EDIL3: variants seen among roughly 807,000 people sequenced by gnomAD.
EDIL3 encodes EGF-like repeat and discoidin I-like domain-containing protein 3.
A neutral mutation model predicts 67.4 loss-of-function variants in EDIL3; 37 were observed. The observed-to-expected ratio is 0.55, with a 90% confidence interval of 0.42 to 0.72. The LOEUF is 0.72. Among genes scored for constraint, EDIL3 ranks in the 30% least tolerant of loss-of-function variants. The pLI, the probability that EDIL3 is intolerant of heterozygous loss-of-function variation, is 0.00. For synonymous variants in EDIL3, 195 were observed against 196.3 expected (o/e 0.99, Z 0.05); for missense variants, 527 against 586.3 (o/e 0.90, Z 1.04).
chr5:83,968,789 T>C (rs1744739879), intron 9 of EDIL3, among the ~76,000 whole-genome samples: 1 of 151,978 alleles, frequency 6.6e-6, no homozygotes, highest in Non-Finnish European at 1.5e-5. Context: ...AAAGAATTTA[T>C]TTAGAATCAT....
chr5:84,064,569 ATGT>A (rs776147127), intron 8 of EDIL3, 128 bp downstream of exon 8: 93 of 1,160,538 alleles, frequency 8.0e-5, no homozygotes, highest in Non-Finnish European at 1.1e-4. Flanking sequence ...TCCCTGAACC[ATGT>A]TGTAGACATT....
At chr5:83,996,124 C>T (rs915764697) in intron 9 of EDIL3, among the ~76,000 whole-genome samples, 8 of 152,054 alleles carry the variant, frequency 5.3e-5, no homozygotes, top group African/African-American at 1.4e-4. Flanking sequence ...GTGGTTGTTC[C>T]TATAAGCATG....
chr5:84,236,315 T>G (rs1744682193), intron 2 of EDIL3, among the ~76,000 whole-genome samples: 1 of 152,096 alleles, frequency 6.6e-6, no homozygotes. Context: ...TTTGAGAACA[T>G]AATTAGGACA....
chr5:84,006,812 A>T (rs1252262847), intron 9 of EDIL3, among the ~76,000 whole-genome samples: 3 of 152,166 alleles, frequency 2.0e-5, no homozygotes, highest in Non-Finnish European at 4.4e-5. Flanking sequence ...AACATTATAA[A>T]ATTTTAAATA....
intron 1 of EDIL3, among the ~76,000 whole-genome samples, chr5:84,306,924 T>C (rs901546611): frequency 6.6e-6 from 1 of 152,222 alleles, no homozygotes; most frequent in African/African-American, 2.4e-5. Flanking sequence ...TCATGTAAAA[T>C]GCTTCACACA....
At chr5:84,310,935 A>G (rs1008489305) in intron 1 of EDIL3, among the ~76,000 whole-genome samples, 1 of 151,690 alleles carries the variant, frequency 6.6e-6, no homozygotes, top group Admixed American at 6.6e-5. Context: ...ATCACAGGTC[A>G]CTTTTGCCTG....
At chr5:84,299,132 T>C (rs1221526707) in intron 1 of EDIL3, among the ~76,000 whole-genome samples, 1 of 152,170 alleles carries the variant, frequency 6.6e-6, no homozygotes, top group African/African-American at 2.4e-5. Context: ...AAGAGAGGAC[T>C]ACCTCTGGAA....
chr5:84,305,287 C>A (rs1205323580), intron 1 of EDIL3, among the ~76,000 whole-genome samples: 3 of 152,038 alleles, frequency 2.0e-5, no homozygotes, highest in Non-Finnish European at 4.4e-5. Context: ...ATATATTAAC[C>A]ATCTCTTTCC....
intron 3 of EDIL3, among the ~76,000 whole-genome samples, chr5:84,210,299 T>A (rs1744091789): frequency 6.6e-6 from 1 of 152,090 alleles, no homozygotes; most frequent in African/African-American, 2.4e-5. Flanking sequence ...TAATTTTACG[T>A]TTTGCAATGA....
intron 9 of EDIL3, among the ~76,000 whole-genome samples, chr5:84,013,441 GA>G (rs2112182996): frequency 6.6e-6 from 1 of 152,200 alleles, no homozygotes; most frequent in East Asian, 1.9e-4. Flanking sequence ...TATGAAGACT[GA>G]AACTATTTGA....
At chr5:84,043,780 T>C (rs1561412904) in intron 9 of EDIL3, among the ~76,000 whole-genome samples, 1 of 151,856 alleles carries the variant, frequency 6.6e-6, no homozygotes, top group Non-Finnish European at 1.5e-5. Context: ...AAAGATACAG[T>C]AAAAAAAATA....
At chr5:84,120,042 T>C (rs904585848) in intron 5 of EDIL3, among the ~76,000 whole-genome samples, 1 of 151,972 alleles carries the variant, frequency 6.6e-6, no homozygotes, top group Non-Finnish European at 1.5e-5. Flanking sequence ...TCATAATCTG[T>C]TTTTGAGATT....
chr5:84,079,167 CCTCTT>C (rs374284342), intron 6 of EDIL3, among the ~76,000 whole-genome samples: 10 of 152,234 alleles, frequency 6.6e-5, no homozygotes, highest in African/African-American at 2.2e-4. Flanking sequence ...CAAGGAAGTT[CCTCTT>C]CTCTTCTCCC....
intron 1 of EDIL3, among the ~76,000 whole-genome samples, chr5:84,312,613 C>A (rs1287715782): frequency 1.8e-5 from 2 of 111,922 alleles, no homozygotes; most frequent in Non-Finnish European, 2.2e-5. Context: ...GGGGGGCTGA[C>A]CCCCCCACCT....
At chr5:84,139,722 T>C (rs1283174186) in intron 4 of EDIL3, among the ~76,000 whole-genome samples, 1 of 152,138 alleles carries the variant, frequency 6.6e-6, no homozygotes, top group Non-Finnish European at 1.5e-5. Flanking sequence ...CATATATACT[T>C]AGAGAGAGGA....
At chr5:84,037,988 GTTTTTTT>G (rs67762520) in intron 9 of EDIL3, among the ~76,000 whole-genome samples, 1,373 of 99,700 alleles carry the variant, frequency 0.014, 6 homozygotes, top group Non-Finnish European at 0.019. Context: ...TTTCTTTCTT[GTTTTTTT>G]TTTTTTTTTT....
intron 4 of EDIL3, among the ~76,000 whole-genome samples, chr5:84,141,929 A>AGATC (rs1748200424): frequency 1.9e-5 from 1 of 51,796 alleles, no homozygotes; most frequent in Admixed American, 2.8e-4. Context: ...ATATACACAT[A>AGATC]TATATATATA....
At chr5:84,064,972 G>A (rs1203656165) in intron 7 of EDIL3, 128 bp from the exon 8 acceptor site, 3 of 1,230,564 alleles carry the variant, frequency 2.4e-6, no homozygotes, top group East Asian at 5.5e-5. Context: ...GGAGCATGGA[G>A]CATTTGAGAA....
chr5:84,093,099 C>T (rs1053582002), intron 6 of EDIL3, among the ~76,000 whole-genome samples: 3 of 152,040 alleles, frequency 2.0e-5, no homozygotes, highest in Admixed American at 1.3e-4. Flanking sequence ...CTATAACAGC[C>T]GAACATAGTA....
Sources: gnomAD v4.1 joint callset for allele counts (sites outside exome capture counted in the v4.1 genomes callset) on GRCh38, gnomAD v4.1.1 for gene constraint, MANE v1.5 for transcripts, NCBI Gene and HGNC (gene_info 2026-07-23, HGNC 2026-07-21) for gene names.